NMD3: variants seen among roughly 807,000 people sequenced by gnomAD.
The protein encoded by NMD3 is NMD3 ribosome export adaptor.
Under a neutral mutation model 73.1 loss-of-function variants are expected in NMD3, and 47 were observed. The ratio of observed to expected loss-of-function variants is 0.64; its 90% confidence interval spans 0.51 to 0.82. The LOEUF is 0.82. Among genes scored for constraint, NMD3 ranks in the 40% least tolerant of loss-of-function variants. NMD3 has a pLI of 0.00. For synonymous variants in NMD3, 210 were observed against 194.5 expected, an observed-to-expected ratio of 1.08 and a Z score of -0.66; for missense variants, 554 against 612.5, an observed-to-expected ratio of 0.90 and a Z score of 1.01.
intron 9 of NMD3, 87 bp downstream of exon 9, chr3:161,238,913 C>G: frequency 1.6e-6 from 1 of 625,734 alleles, no homozygotes; most frequent in Non-Finnish European, 2.8e-6. Flanking sequence ...CCTGGTTTTC[C>G]TCTAGGGTTG....
intron 11 of NMD3, among the ~76,000 whole-genome samples, chr3:161,243,110 A>G (rs1200681588): frequency 2.6e-5 from 4 of 152,156 alleles, no homozygotes; most frequent in Admixed American, 6.5e-5. Context: ...GCTCTTATCC[A>G]TGGGGATACA....
chr3:161,240,935 AAAT>A (rs1736950179), intron 9 of NMD3, 108 bp from the exon 10 acceptor site: 1 of 577,110 alleles, frequency 1.7e-6, no homozygotes. Flanking sequence ...ATAGAATTGA[AAAT>A]AACGTTTTGG....
chr3:161,242,648 A>G lies in NMD3; in HGVS notation c.1012A>G (p.Lys338Glu), dbSNP rs758841338. The G allele has an allele frequency of 6.2e-6, 10 of 1,610,904 alleles. No homozygotes were observed. The Admixed American group carries it at 1.5e-4, about 24-fold the overall frequency. Residue 338 changes from lysine to glutamate, a missense_variant, in exon 11 of 16, where the codon AAA becomes GAA. By Grantham distance (56) the Lys-to-Glu change is moderately conservative. Coordinates refer to ENST00000351193, the MANE Select transcript of NMD3 (RefSeq NM_015938.5). ...TGCTGCAGGTGCTGGAATGATATCAAAAAAGGTAAGCTACATCCTGCCTGC... is the reference window on the plus strand; with the variant it reads ...TGCTGCAGGTGCTGGAATGATATCAGAAAAGGTAAGCTACATCCTGCCTGC... ...KRAAGAGMIS[K>E]KHTLGEVWVQ...
chr3:161,221,967 T>G, intron 1 of NMD3, 27 bp from the exon 2 acceptor site: 1 of 345,960 alleles, frequency 2.9e-6, no homozygotes, highest in Non-Finnish European at 3.7e-6. Flanking sequence ...TCTTTTTTTT[T>G]TTTTTTTTTT....
At chr3:161,238,030 G>A (rs990401532) in intron 7 of NMD3, 83 bp from the exon 8 acceptor site, 18 of 894,584 alleles carry the variant, frequency 2.0e-5, no homozygotes, top group Non-Finnish European at 3.1e-5. Flanking sequence ...TAAAACAGAT[G>A]TAATTTATAA....
chr3:161,240,917 G>T, intron 9 of NMD3, 129 bp from the exon 10 acceptor site: 1 of 532,686 alleles, frequency 1.9e-6, no homozygotes, highest in Non-Finnish European at 3.4e-6. Context: ...TAGTCTCTTT[G>T]TTGATTGATA....
intron 7 of NMD3, among the ~76,000 whole-genome samples, chr3:161,237,132 C>T (rs1242141937): frequency 6.6e-6 from 1 of 152,098 alleles, no homozygotes; most frequent in African/African-American, 2.4e-5. Flanking sequence ...TTCTTGATTT[C>T]TAGTGCTACT....
intron 4 of NMD3, among the ~76,000 whole-genome samples, chr3:161,228,407 G>T (rs1015513907): frequency 6.6e-6 from 1 of 151,570 alleles, no homozygotes; most frequent in Non-Finnish European, 1.5e-5. Flanking sequence ...TCTGTTCTTG[G>T]TGATTTTTAC....
intron 9 of NMD3, among the ~76,000 whole-genome samples, chr3:161,240,276 G>A (rs1430982721): frequency 6.6e-6 from 1 of 152,106 alleles, no homozygotes; most frequent in Admixed American, 6.6e-5. Flanking sequence ...ATGTAGACAT[G>A]TGACTTTTTT....
chr3:161,243,798 A>G lies in NMD3; in HGVS notation c.1017+1145A>G, dbSNP rs138836147. Among the ~76,000 whole-genome samples, 514 of 152,228 alleles carry G rather than the reference A, an allele frequency of 3.4e-3. 3 individuals carry two copies. The highest frequency in any genetic ancestry group is 0.012 in the African/African-American group (481 of 41,500). The stretch of plus-strand genomic sequence containing the variant: ...CATGTACTTTTTATTATATCAAGAG[A>G]CAAGTAATGTCTGACTGTTTCACTT... On this transcript the variant is annotated intron_variant, in intron 11 of 15. Transcript: ENST00000351193.
At chr3:161,238,703 T>C in intron 8 of NMD3, 27 bp from the exon 9 acceptor site, 1 of 1,050,582 alleles carries the variant, frequency 9.5e-7, no homozygotes, top group Non-Finnish European at 1.5e-6. Flanking sequence ...TTTGTCTTTA[T>C]ATTACTACTA....
chr3:161,228,303 A>C (rs73875456), intron 4 of NMD3, among the ~76,000 whole-genome samples: 11,081 of 151,890 alleles, frequency 0.073, 620 homozygotes, highest in South Asian at 0.18. Flanking sequence ...CAACCCCACA[A>C]ATTTCTGATG....
At chr3:161,221,696 GCCCTT>G (rs968541712) in intron 1 of NMD3, 2 of 218,932 alleles carry the variant, frequency 9.1e-6, no homozygotes, top group African/African-American at 4.6e-5. Flanking sequence ...AGCTGACCTC[GCCCTT>G]GGTCGTCCAG....
chr3:161,252,154 G>C lies in NMD3; in HGVS notation c.*1244G>C, dbSNP rs1167813461. On this transcript the variant is annotated 3_prime_UTR_variant, in exon 16 of 16. Coordinates refer to ENST00000351193, the MANE Select transcript of NMD3 (RefSeq NM_015938.5). Reference sequence around the variant, plus strand: ...ATCTAAAAGCCATATCCTGTCTTTGGTGGTGGCCTGGTAGGAATGGCTTGT... The same window carrying C: ...ATCTAAAAGCCATATCCTGTCTTTGCTGGTGGCCTGGTAGGAATGGCTTGT... 4 of 151,980 alleles carry C rather than the reference G, an allele frequency of 2.6e-5. No homozygotes were observed. The East Asian group carries it at 7.7e-4, about 29-fold the overall frequency. The allele number at this position is 151,980 out of a possible 1,614,324, so 9.4% of individuals were successfully genotyped here.
At chr3:161,235,088 G>T in intron 6 of NMD3, 34 bp from the exon 7 acceptor site, 1 of 1,154,898 alleles carries the variant, frequency 8.7e-7, no homozygotes, top group Non-Finnish European at 1.3e-6. Flanking sequence ...GCTTTTTTGT[G>T]GGGCATTTAT....
chr3:161,224,150 T>A (rs774454132), intron 2 of NMD3, among the ~76,000 whole-genome samples: 5 of 152,210 alleles, frequency 3.3e-5, no homozygotes, highest in Admixed American at 6.5e-5. Context: ...TGTGACAATA[T>A]AGTTTCATTT....
In NMD3 at chr3:161,225,049, G is replaced by A. The variant is rs1266913380; in HGVS notation, c.164G>A (p.Cys55Tyr). 5 of 1,613,462 alleles carry A rather than the reference G, an allele frequency of 3.1e-6. No homozygotes were observed. Among genetic ancestry groups the A allele is most frequent in the Non-Finnish European group, 4.2e-6 (5 of 1,179,898 alleles). ...GIPKQVSISF[C>Y]KQCQRYFQPP... ...CCGAAACAAGTCTCGATTTCGTTCT[G>A]CAAACAATGTCAAAGGTACAGTGCG... The change falls in exon 3 of 16, where the codon TGC becomes TAC. Residue 55 changes from cysteine to tyrosine, a missense_variant. By Grantham distance (194) the Cys-to-Tyr change is radical (BLOSUM62 -2). Transcript: ENST00000351193.
chr3:161,233,536 C>A, intron 5 of NMD3, 57 bp downstream of exon 5: 2 of 1,036,438 alleles, frequency 1.9e-6, no homozygotes, highest in Non-Finnish European at 1.5e-6. Flanking sequence ...AAAATGAAGA[C>A]CCAGTGATAA....
chr3:161,247,153 A>G, intron 12 of NMD3, 105 bp from the exon 13 acceptor site: 1 of 667,264 alleles, frequency 1.5e-6, no homozygotes, highest in Non-Finnish European at 2.7e-6. Flanking sequence ...AGTGAGAAGC[A>G]TATTAAATGT....
Sources: allele counts gnomAD v4.1 joint callset (sites outside exome capture counted in the v4.1 genomes callset), GRCh38; gene constraint gnomAD v4.1.1; transcripts MANE v1.5; gene names NCBI Gene and HGNC (gene_info 2026-07-23, HGNC 2026-07-21).